KLF4: variants seen among roughly 807,000 people sequenced by gnomAD.
KLF4 encodes Krueppel-like factor 4.
KLF4 carries 14 observed loss-of-function variants against 38.0 expected under a neutral mutation model. That is an observed-to-expected ratio of 0.37 (90% CI 0.24 to 0.58). The LOEUF is 0.58. KLF4 is among the 20% of genes least tolerant of loss of function. KLF4 has a pLI of 0.76. For missense variants in KLF4, 737 were observed against 670.1 expected, an observed-to-expected ratio of 1.10 and a Z score of -1.10; for synonymous variants, 398 against 302.5, an observed-to-expected ratio of 1.32 and a Z score of -3.28.
rs1298047663 is a variant in KLF4 at position 107,489,663 on chromosome 9, G to A, written c.-491C>T. The A allele has an allele frequency of 7.2e-6, 1 of 139,644 alleles. No homozygotes were observed. Among genetic ancestry groups the A allele is most frequent in the Non-Finnish European group, 1.4e-5 (1 of 69,006 alleles). The allele number at this position is 139,644 out of a possible 1,614,324, so 8.7% of individuals were successfully genotyped here. On this transcript the variant is annotated 5_prime_UTR_variant, in exon 1 of 5. Coordinates refer to ENST00000374672, the MANE Select transcript of KLF4 (RefSeq NM_004235.6). ...GGGTGGGAGGGTGGGGGGCCAGAGG[G>A]GCGGGGGAGGGTCACTCGGCGGCTC...
chr9:107,487,552 G>A lies in KLF4; in HGVS notation c.842C>T (p.Ala281Val), dbSNP rs1310912820. ...GCCCAAGTGGGTGCACGAAGAGACCGCCTCCTGCTTGATCTTGGGGCACGT... is the reference window on the plus strand; with the variant it reads ...GCCCAAGTGGGTGCACGAAGAGACCACCTCCTGCTTGATCTTGGGGCACGT... Reference protein sequence around the residue: ...PRTCPKIKQEAVSSCTHLGAG... With the variant: ...PRTCPKIKQEVVSSCTHLGAG... The change falls in exon 3 of 5, where the codon GCG becomes GTG. Residue 281 changes from alanine to valine, a missense_variant. Physicochemically the swap from Ala to Val is moderately conservative, Grantham distance 64. This residue lies in a region of KLF4 where 695 missense variants were observed against 554.5 expected (regional missense o/e 1.25). Coordinates refer to ENST00000374672, the MANE Select transcript of KLF4 (RefSeq NM_004235.6). The surrounding 1 kb of genome is among the most constrained non-coding windows in gnomAD (Gnocchi z 6.1). The A allele has an allele frequency of 1.3e-6, 2 of 1,568,692 alleles. No individual in the cohort carries two copies. Among genetic ancestry groups the A allele is most frequent in the East Asian group, 2.3e-5 (1 of 44,258 alleles).
chr9:107,488,399 A>AAC lies in KLF4; in HGVS notation c.127-134_127-133dup. 7.0e-7 allele frequency: 1 copy of AAC among 1,419,778 alleles called. No homozygotes were observed. 87.9% of individuals were successfully genotyped at this position (1,419,778 alleles called of 1,614,324 possible). A position where few individuals can be genotyped will look rare whatever the true frequency, so the allele number is the denominator to read the frequency against. Reference sequence around the variant, plus strand: ...ACTGGTCAGGCAGGAAGCACCCGGGAACCCAGGGCGCCAGCGCTGCAATCT... The same window carrying AAC: ...ACTGGTCAGGCAGGAAGCACCCGGGAACACCCAGGGCGCCAGCGCTGCAATCT... On this transcript the variant is annotated intron_variant, in intron 2 of 4. Coordinates refer to ENST00000374672, the MANE Select transcript of KLF4 (RefSeq NM_004235.6). This position sits in a 1 kb window ranked among gnomAD's most constrained non-coding sequence, Gnocchi z 5.7.
Position 107,487,559 on chromosome 9 carries a change from G to C in KLF4, c.835C>G (p.Gln279Glu). The change falls in exon 3 of 5, where the codon CAG (glutamine) becomes GAG (glutamate). Residue 279 changes from glutamine to glutamate, a missense_variant. Gln to Glu is a conservative substitution (Grantham distance 29). Transcript: ENST00000374672. The surrounding 1 kb of genome is among the most constrained non-coding windows in gnomAD (Gnocchi z 6.1). ...TGGGTGCACGAAGAGACCGCCTCCTGCTTGATCTTGGGGCACGTGCGCGGC... is the reference window on the plus strand; with the variant it reads ...TGGGTGCACGAAGAGACCGCCTCCTCCTTGATCTTGGGGCACGTGCGCGGC... ...GPPRTCPKIK[Q>E]EAVSSCTHLG... is the part of the protein sequence containing the mutation. 6.3e-7 allele frequency: 1 copy of C among 1,574,938 alleles called. No individual in the cohort carries two copies. The highest frequency in any genetic ancestry group is 8.6e-7 in the Non-Finnish European group (1 of 1,163,624).
chr9:107,485,821 T>C lies in KLF4; in HGVS notation c.1370A>G (p.Gln457Arg), dbSNP rs769935926. The C allele has an allele frequency of 6.2e-7, 1 of 1,609,948 alleles. No homozygotes were observed. The highest frequency in any genetic ancestry group is 1.1e-5 in the South Asian group (1 of 89,930). ...AAATGCTCGGTCGCATTTTTGGCAC[T>C]GGAACGGGCGGTGCCCCGTGTGTTT... ...YRKHTGHRPFQCQKCDRAFSR... is the reference protein window; with the variant it reads ...YRKHTGHRPFRCQKCDRAFSR... Residue 457 changes from glutamine (Q) to arginine (R), a missense_variant, in exon 5 of 5, where the codon CAG (glutamine) becomes CGG (arginine). Physicochemically the swap from Gln to Arg is conservative, Grantham distance 43. Around this residue, in one of 2 missense-constraint regions of KLF4, gnomAD observed 42 missense variants for 115.5 expected, o/e 0.36. Coordinates refer to ENST00000374672, the MANE Select transcript of KLF4 (RefSeq NM_004235.6). The surrounding 1 kb of genome is among the most constrained non-coding windows in gnomAD (Gnocchi z 4.9).
Position 107,487,064 on chromosome 9 carries a change from T to C in KLF4, c.1228A>G (p.Ser410Gly), listed in dbSNP as rs1829076095. The C allele has an allele frequency of 6.2e-7, 1 of 1,614,040 alleles. No individual in the cohort carries two copies. The highest frequency in any genetic ancestry group is 8.5e-7 in the Non-Finnish European group (1 of 1,180,042). Reference sequence around the variant, plus strand: ...CGCAGGTGTGCCTTGAGATGGGAACTCTTTGTGTAGGTTTTGCCGCAGCCC... The same window carrying C: ...CGCAGGTGTGCCTTGAGATGGGAACCCTTTGTGTAGGTTTTGCCGCAGCCC... ...YAGCGKTYTKSSHLKAHLRTH... is the reference protein window; with the variant it reads ...YAGCGKTYTKGSHLKAHLRTH... The change falls in exon 4 of 5, where the codon AGT becomes GGT. Residue 410 changes from serine to glycine, a missense_variant. By Grantham distance (56) the Ser-to-Gly change is moderately conservative. Coordinates refer to ENST00000374672, the MANE Select transcript of KLF4 (RefSeq NM_004235.6). This position sits in a 1 kb window ranked among gnomAD's most constrained non-coding sequence, Gnocchi z 6.1.
At position 107,487,659 on chromosome 9, in the gene KLF4, C is replaced by G; in HGVS notation, c.735G>C (p.Pro245=). 1 of 1,591,050 alleles carries G rather than the reference C, an allele frequency of 6.3e-7. No individual in the cohort carries two copies. The highest frequency in any genetic ancestry group is 8.6e-7 in the Non-Finnish European group (1 of 1,167,010). Residue 245 remains proline, a synonymous_variant, in exon 3 of 5, where the codon CCG becomes CCC. Coordinates refer to ENST00000374672, the MANE Select transcript of KLF4 (RefSeq NM_004235.6). The surrounding 1 kb of genome is among the most constrained non-coding windows in gnomAD (Gnocchi z 6.1). ...TGCCTTTGCTGACGCTGATGACCGACGGGCTGCCGTACTCGCTGCCAGGGG... is the reference window on the plus strand; with the variant it reads ...TGCCTTTGCTGACGCTGATGACCGAGGGGCTGCCGTACTCGCTGCCAGGGG... ...LSAPGSEYGS[P]SVISVSKGSP... is the part of the protein sequence containing the mutation.
rs1587922888 is a variant in KLF4 at position 107,488,807 on chromosome 9, G to C, written c.126+123C>G. 7.4e-7 allele frequency: 1 copy of C among 1,347,776 alleles called. No homozygotes were observed. The highest frequency in any genetic ancestry group is 2.6e-5 in the East Asian group (1 of 39,132). The allele number at this position is 1,347,776 out of a possible 1,614,324, so 83.5% of individuals were successfully genotyped here. On this transcript the variant is annotated intron_variant, in intron 2 of 4. Coordinates refer to ENST00000374672, the MANE Select transcript of KLF4 (RefSeq NM_004235.6). The surrounding 1 kb of genome is among the most constrained non-coding windows in gnomAD (Gnocchi z 5.7). ...GAAGCTATCCCGGGAAGGTTGCGGA[G>C]TCCGCGCGGTGGCCGCTCCTTACCC...
rs1470191951 is a variant in KLF4, at chr9:107,485,304, GA to G, written c.*446del. 1 of 221,936 alleles carries G rather than the reference GA, an allele frequency of 4.5e-6. No individual in the cohort carries two copies. The highest frequency in any genetic ancestry group is 2.2e-5 in the African/African-American group (1 of 44,734). 13.7% of individuals were successfully genotyped at this position (221,936 alleles called of 1,614,324 possible). ...CTATTTAAACATGTTTTCTGTACCT[GA>G]ATTTCTTCCTCTTCTTCTAACATCA... On this transcript the variant is annotated 3_prime_UTR_variant, in exon 5 of 5. Transcript: ENST00000374672. This position sits in a 1 kb window ranked among gnomAD's most constrained non-coding sequence, Gnocchi z 4.9.
At position 107,489,156 on chromosome 9, in the gene KLF4, C is replaced by T. The variant is rs765186557; in HGVS notation, c.5+12G>A. ...ACCCCTCCCTGCTCCCAGCGCCGCG[C>T]GCCTCACCTACCTCATTAATGTGGG... On this transcript the variant is annotated intron_variant, in intron 1 of 4. Transcript: ENST00000374672. 1 of 1,532,178 alleles carries T rather than the reference C, an allele frequency of 6.5e-7. No individual in the cohort carries two copies. The highest frequency in any genetic ancestry group is 8.8e-7 in the Non-Finnish European group (1 of 1,136,504). 94.9% of individuals were successfully genotyped at this position (1,532,178 alleles called of 1,614,324 possible).
At position 107,485,874 on chromosome 9, in the gene KLF4, G is replaced by A. The variant is rs375694359; in HGVS notation, c.1317C>T (p.Arg439=). The A allele has an allele frequency of 3.1e-6, 5 of 1,612,318 alleles. No individual in the cohort carries two copies. The African/African-American group carries it at 4.0e-5, about 13-fold the overall frequency. ...DWDGCGWKFA[R]SDELTRHYRK... ...GGTAGTGCCTGGTCAGTTCATCTGA[G>A]CGGGCGAATTTCCATCCACAGCCGT... The change falls in exon 5 of 5, where the codon CGC becomes CGT. Residue 439 remains arginine, a synonymous_variant. Coordinates refer to ENST00000374672, the MANE Select transcript of KLF4 (RefSeq NM_004235.6). The surrounding 1 kb of genome is among the most constrained non-coding windows in gnomAD (Gnocchi z 4.9).
Position 107,487,630 on chromosome 9 carries a change from G to A in KLF4, c.764C>T (p.Pro255Leu), listed in dbSNP as rs753243501. The A allele has an allele frequency of 6.3e-7, 1 of 1,590,202 alleles. No individual in the cohort carries two copies. ...CACCACCACCGGGTGGCTGCCGTCA[G>A]GGCTGCCTTTGCTGACGCTGATGAC... ...PSVISVSKGS[P>L]DGSHPVVVAP... is the part of the protein sequence containing the mutation. Residue 255 changes from proline (P) to leucine (L), a missense_variant, in exon 3 of 5, where the codon CCT becomes CTT. Around this residue, in one of 2 missense-constraint regions of KLF4, gnomAD observed 695 missense variants for 554.5 expected, o/e 1.25. Transcript: ENST00000374672. This position sits in a 1 kb window ranked among gnomAD's most constrained non-coding sequence, Gnocchi z 6.1.
rs765915402 is a variant in KLF4, at chr9:107,487,071, G to A, written c.1221C>T (p.Tyr407=). The change falls in exon 4 of 5, where the codon TAC becomes TAT. Residue 407 remains tyrosine (Y), a synonymous_variant. Coordinates refer to ENST00000374672, the MANE Select transcript of KLF4 (RefSeq NM_004235.6). This position sits in a 1 kb window ranked among gnomAD's most constrained non-coding sequence, Gnocchi z 6.1. Reference sequence around the variant, plus strand: ...GTGCCTTGAGATGGGAACTCTTTGTGTAGGTTTTGCCGCAGCCCGCGTAAT... The same window carrying A: ...GTGCCTTGAGATGGGAACTCTTTGTATAGGTTTTGCCGCAGCCCGCGTAAT... The part of the protein sequence containing the change: ...TCDYAGCGKT[Y]TKSSHLKAHL... The A allele has an allele frequency of 3.7e-6, 6 of 1,614,218 alleles. No homozygotes were observed. In the South Asian group the frequency reaches 6.6e-5, roughly 18 times the overall value.
At position 107,487,560 on chromosome 9, in the gene KLF4, C is replaced by T. The variant is rs778935707; in HGVS notation, c.834G>A (p.Lys278=). ...GGPPRTCPKI[K]QEAVSSCTHL... is the part of the protein sequence containing the mutation. ...GGGTGCACGAAGAGACCGCCTCCTGCTTGATCTTGGGGCACGTGCGCGGCG... is the reference window on the plus strand; with the variant it reads ...GGGTGCACGAAGAGACCGCCTCCTGTTTGATCTTGGGGCACGTGCGCGGCG... The change falls in exon 3 of 5, where the codon AAG becomes AAA. Residue 278 remains lysine, a synonymous_variant. Coordinates refer to ENST00000374672, the MANE Select transcript of KLF4 (RefSeq NM_004235.6). This position sits in a 1 kb window ranked among gnomAD's most constrained non-coding sequence, Gnocchi z 6.1. 1.9e-6 allele frequency: 3 copies of T among 1,575,252 alleles called. No homozygotes were observed. Among genetic ancestry groups the T allele is most frequent in the African/African-American group, 1.4e-5 (1 of 74,066 alleles).
rs946835563 is a variant in KLF4 at position 107,488,458 on chromosome 9, G to A, written c.127-191C>T. 18 of 1,001,134 alleles carry A rather than the reference G, an allele frequency of 1.8e-5. No homozygotes were observed. The highest frequency in any genetic ancestry group is 2.0e-5 in the Non-Finnish European group (14 of 704,752). 62.0% of individuals were successfully genotyped at this position (1,001,134 alleles called of 1,614,324 possible). On this transcript the variant is annotated intron_variant, in intron 2 of 4. Coordinates refer to ENST00000374672, the MANE Select transcript of KLF4 (RefSeq NM_004235.6). This position sits in a 1 kb window ranked among gnomAD's most constrained non-coding sequence, Gnocchi z 5.7. The stretch of plus-strand genomic sequence containing the variant: ...TCCCGGGTCGAAGAAGAGGTGATGC[G>A]TCTGTATTGCGGGTGTTATGTCCTG...
chr9:107,487,584 C>G lies in KLF4; in HGVS notation c.810G>C (p.Pro270=). Residue 270 remains proline, a synonymous_variant, in exon 3 of 5, where the codon CCG becomes CCC. Coordinates refer to ENST00000374672, the MANE Select transcript of KLF4 (RefSeq NM_004235.6). This position sits in a 1 kb window ranked among gnomAD's most constrained non-coding sequence, Gnocchi z 6.1. ...GCTTGATCTTGGGGCACGTGCGCGG[C>G]GGCCCGCCGTTGTAGGGCGCCACCA... is the stretch of plus-strand genomic sequence containing the variant. ...PVVVAPYNGG[P]PRTCPKIKQE... 1 of 1,578,152 alleles carries G rather than the reference C, an allele frequency of 6.3e-7. No homozygotes were observed. The highest frequency in any genetic ancestry group is 2.3e-5 in the East Asian group (1 of 43,860).
chr9:107,488,683 A>G lies in KLF4; in HGVS notation c.126+247T>C, dbSNP rs924031790. Among the ~76,000 whole-genome samples, 2 of 151,976 alleles carry G rather than the reference A, an allele frequency of 1.3e-5. No individual in the cohort carries two copies. Among genetic ancestry groups the G allele is most frequent in the African/African-American group, 4.8e-5 (2 of 41,392 alleles). ...CCGGTGGCCCGAGAGCGCCCGCCCT[A>G]CCGACAGCGCGCCCGGGGACTGGTG... On this transcript the variant is annotated intron_variant, in intron 2 of 4. Coordinates refer to ENST00000374672, the MANE Select transcript of KLF4 (RefSeq NM_004235.6). The surrounding 1 kb of genome is among the most constrained non-coding windows in gnomAD (Gnocchi z 5.7).
In KLF4 at chr9:107,488,856, C is replaced by G. The variant is rs1428980525; in HGVS notation, c.126+74G>C. Reference sequence around the variant, plus strand: ...CCTCGTTCAGTGGCTCTTGGTGACCCCAAGGCTCCGCCCGCCCCCACCACA... The same window carrying G: ...CCTCGTTCAGTGGCTCTTGGTGACCGCAAGGCTCCGCCCGCCCCCACCACA... On this transcript the variant is annotated intron_variant, in intron 2 of 4. Transcript: ENST00000374672. The surrounding 1 kb of genome is among the most constrained non-coding windows in gnomAD (Gnocchi z 5.7). 6.6e-7 allele frequency: 1 copy of G among 1,513,536 alleles called. No individual in the cohort carries two copies. The highest frequency in any genetic ancestry group is 1.3e-5 in the South Asian group (1 of 78,920). The allele number at this position is 1,513,536 out of a possible 1,614,324, so 93.8% of individuals were successfully genotyped here.
chr9:107,486,157 C>T (rs1290499482), intron 4 of KLF4, among the ~76,000 whole-genome samples: 1 of 152,066 alleles, frequency 6.6e-6, no homozygotes, highest in Non-Finnish European at 1.5e-5. Flanking sequence ...ACACAACCAC[C>T]ACCTACACCT....
At position 107,487,572 on chromosome 9, in the gene KLF4, G is replaced by A; in HGVS notation, c.822C>T (p.Cys274=). 1.9e-6 allele frequency: 3 copies of A among 1,579,816 alleles called. No homozygotes were observed. Among genetic ancestry groups the A allele is most frequent in the East Asian group, 2.3e-5 (1 of 44,204 alleles). ...AGACCGCCTCCTGCTTGATCTTGGG[G>A]CACGTGCGCGGCGGCCCGCCGTTGT... The part of the protein sequence containing the change: ...APYNGGPPRT[C]PKIKQEAVSS... Residue 274 remains cysteine, a synonymous_variant, in exon 3 of 5, where the codon TGC becomes TGT. Transcript: ENST00000374672. This position sits in a 1 kb window ranked among gnomAD's most constrained non-coding sequence, Gnocchi z 6.1.
Sources: gnomAD v4.1 joint callset for allele counts (sites outside exome capture counted in the v4.1 genomes callset) on GRCh38, gnomAD v4.1.1 for gene constraint, gnomAD v4.1.1 regional missense constraint, Gnocchi (gnomAD v3.1) non-coding constraint, MANE v1.5 for transcripts, NCBI Gene and HGNC (gene_info 2026-07-23, HGNC 2026-07-21) for gene names.